The following TENM4 variants were observed in gnomAD, a reference collection of about 807,000 sequenced individuals.
TENM4 encodes the protein teneurin-4.
Under a neutral mutation model 243.3 loss-of-function variants are expected in TENM4, and 82 were observed. That is an observed-to-expected ratio of 0.34 (90% CI 0.28 to 0.40). TENM4 has a LOEUF of 0.40. Among genes scored for constraint, TENM4 ranks in the 10% least tolerant of loss-of-function variants. The pLI is 1.00. For synonymous variants in TENM4, 1,412 were observed against 1,456.3 expected, an observed-to-expected ratio of 0.97 and a Z score of 0.69; for missense variants, 3,138 against 3,673.3, an observed-to-expected ratio of 0.85 and a Z score of 3.77.
chr11:78,959,492 T>A lies in TENM4; in HGVS notation c.494-55969A>T, dbSNP rs111745723. Reference sequence around the variant, plus strand: ...CCTTTGGCTCATAGAAGATCCCTGGTTTTGGGTTTCAGGAGAGAGGAAGGC... The same window carrying A: ...CCTTTGGCTCATAGAAGATCCCTGGATTTGGGTTTCAGGAGAGAGGAAGGC... On this transcript the variant is annotated intron_variant, in intron 6 of 33. Coordinates refer to ENST00000278550, the MANE Select transcript of TENM4 (RefSeq NM_001098816.3). 1.5e-3 allele frequency among the ~76,000 whole-genome samples: 227 copies of A among 152,180 alleles called. 1 individual carries two copies. Among genetic ancestry groups the A allele is most frequent in the African/African-American group, 5.1e-3 (213 of 41,502 alleles).
At chr11:78,754,343 G>A (rs1274247116) in intron 19 of TENM4, among the ~76,000 whole-genome samples, 1 of 152,202 alleles carries the variant, frequency 6.6e-6, no homozygotes, top group Non-Finnish European at 1.5e-5. Flanking sequence ...AGTCAGACTT[G>A]CTGGAGCAAC....
chr11:79,265,605 A>C (rs777815729), intron 2 of TENM4, among the ~76,000 whole-genome samples: 1 of 152,092 alleles, frequency 6.6e-6, no homozygotes, highest in Non-Finnish European at 1.5e-5. Flanking sequence ...TTTCCATTGG[A>C]GTGTGCGGCT....
intron 6 of TENM4, among the ~76,000 whole-genome samples, chr11:78,905,978 C>A (rs1407552636): frequency 6.6e-6 from 1 of 152,220 alleles, no homozygotes; most frequent in Non-Finnish European, 1.5e-5. Context: ...TTCTTCCCAG[C>A]CTTGGCCTTT....
At chr11:78,985,001 G>C (rs533183494) in intron 6 of TENM4, among the ~76,000 whole-genome samples, 1 of 152,154 alleles carries the variant, frequency 6.6e-6, no homozygotes, top group South Asian at 2.1e-4. Context: ...GCGGAATCCT[G>C]GCCCTACCAC....
intron 5 of TENM4, among the ~76,000 whole-genome samples, chr11:79,066,691 C>T (rs1860262634): frequency 1.3e-5 from 2 of 150,824 alleles, no homozygotes; most frequent in Admixed American, 6.6e-5. Context: ...CACGCATGCA[C>T]ACTCGAGCAC....
chr11:78,837,019 G>A (rs1858132727), intron 12 of TENM4, among the ~76,000 whole-genome samples: 2 of 152,120 alleles, frequency 1.3e-5, no homozygotes, highest in African/African-American at 2.4e-5. Flanking sequence ...TTTATCACTT[G>A]AGCTAAATGG....
chr11:79,254,267 A>T (rs1855662999), intron 2 of TENM4, among the ~76,000 whole-genome samples: 1 of 152,228 alleles, frequency 6.6e-6, no homozygotes, highest in Non-Finnish European at 1.5e-5. Context: ...GTCTTTGAGC[A>T]GAGACTGAGG....
intron 4 of TENM4, among the ~76,000 whole-genome samples, chr11:79,148,318 C>G (rs1270847449): frequency 1.3e-5 from 2 of 152,052 alleles, no homozygotes; most frequent in African/African-American, 4.8e-5. Context: ...AATTTCAAGT[C>G]CAGATTATGG....
At chr11:79,423,529 A>G (rs1428729165) in intron 1 of TENM4, among the ~76,000 whole-genome samples, 1 of 142,222 alleles carries the variant, frequency 7.0e-6, no homozygotes, top group African/African-American at 2.7e-5. Flanking sequence ...GAATGCTTAC[A>G]AGTGCATTTT....
At chr11:78,900,153 C>T (rs1855896846) in intron 7 of TENM4, among the ~76,000 whole-genome samples, 2 of 152,226 alleles carry the variant, frequency 1.3e-5, no homozygotes, top group Non-Finnish European at 2.9e-5. Context: ...TTGACTCACA[C>T]TGTGAAGTGT....
intron 1 of TENM4, among the ~76,000 whole-genome samples, chr11:79,343,264 A>G (rs1857271693): frequency 6.6e-6 from 1 of 152,260 alleles, no homozygotes; most frequent in Admixed American, 6.5e-5. Context: ...AGTGATCCTT[A>G]TCACTTTTCA....
At chr11:78,810,549 T>A (rs1857476497) in intron 14 of TENM4, among the ~76,000 whole-genome samples, 2 of 152,194 alleles carry the variant, frequency 1.3e-5, no homozygotes, top group Non-Finnish European at 2.9e-5. Flanking sequence ...CACCATTCTC[T>A]GGATAAAAAG....
In TENM4 at chr11:78,906,331, C is replaced by G. The variant is rs78640833; in HGVS notation, c.494-2808G>C. Among the ~76,000 whole-genome samples the G allele has an allele frequency of 7.5e-4, 114 of 152,298 alleles. 2 individuals are homozygous for G. The East Asian group carries it at 0.011, about 15-fold the overall frequency. On this transcript the variant is annotated intron_variant, in intron 6 of 33. Coordinates refer to ENST00000278550, the MANE Select transcript of TENM4 (RefSeq NM_001098816.3). The stretch of plus-strand genomic sequence containing the variant: ...AATTCAGTCTACCAAACCATGGTGC[C>G]TTTGCATAAAACTTAAACACCTCCT...
At chr11:79,132,968 AC>A (rs1453319181) in intron 4 of TENM4, among the ~76,000 whole-genome samples, 1 of 152,158 alleles carries the variant, frequency 6.6e-6, no homozygotes, top group Admixed American at 6.5e-5. Flanking sequence ...TCAAACCCAA[AC>A]CCAGCATAAG....
chr11:79,410,934 C>T (rs1340979824), intron 1 of TENM4, among the ~76,000 whole-genome samples: 3 of 152,042 alleles, frequency 2.0e-5, no homozygotes, highest in Non-Finnish European at 4.4e-5. Context: ...GTTAATCATC[C>T]CTGTGCCCCT....
At chr11:79,178,944 G>A (rs1863228414) in intron 3 of TENM4, among the ~76,000 whole-genome samples, 1 of 152,184 alleles carries the variant, frequency 6.6e-6, no homozygotes, top group Non-Finnish European at 1.5e-5. Flanking sequence ...AGTAGCAGAG[G>A]AAATCAAATA....
chr11:79,301,978 T>G (rs1856557435), intron 1 of TENM4, among the ~76,000 whole-genome samples: 1 of 152,194 alleles, frequency 6.6e-6, no homozygotes, highest in Non-Finnish European at 1.5e-5. Context: ...CAGTCTCAGG[T>G]ATTTCTTTGT....
Position 79,064,368 on chromosome 11 carries a change from T to C in TENM4, c.493+370A>G, listed in dbSNP as rs75701287. Reference sequence around the variant, plus strand: ...ACAGCTGAGCACCTGGAGCTAGAGATGGCATGAGCAGGATTCAGGCAGGAC... The same window carrying C: ...ACAGCTGAGCACCTGGAGCTAGAGACGGCATGAGCAGGATTCAGGCAGGAC... On this transcript the variant is annotated intron_variant, in intron 6 of 33. Transcript: ENST00000278550. Among the ~76,000 whole-genome samples, 553 of 152,302 alleles carry C rather than the reference T, an allele frequency of 3.6e-3. 2 individuals carry two copies. Among genetic ancestry groups the C allele is most frequent in the African/African-American group, 0.012 (492 of 41,562 alleles).
intron 6 of TENM4, among the ~76,000 whole-genome samples, chr11:79,025,182 C>T (rs1859042452): frequency 6.6e-6 from 1 of 152,148 alleles, no homozygotes; most frequent in African/African-American, 2.4e-5. Flanking sequence ...CCTGAGAATT[C>T]CCTGAGACAG....
Sources: allele counts gnomAD v4.1 joint callset (sites outside exome capture counted in the v4.1 genomes callset), GRCh38; gene constraint gnomAD v4.1.1; transcripts MANE v1.5; gene names NCBI Gene and HGNC (gene_info 2026-07-23, HGNC 2026-07-21).